Variants in EDARADD observed in about 807,000 individuals in gnomAD.
EDARADD encodes the protein EDAR associated via death domain.
EDARADD carries 20 observed loss-of-function variants against 25.6 expected under a neutral mutation model. That is an observed-to-expected ratio of 0.78 (90% CI 0.55 to 1.14). The LOEUF (loss-of-function observed/expected upper bound fraction) is 1.14, where lower values mean the gene tolerates loss of function less well. Ranked by LOEUF, EDARADD falls within the 50% of genes most tolerant of loss-of-function variation. The probability of loss-of-function intolerance (pLI) is 0.00; values close to 1 mark genes in which losing one functional copy is unlikely to be tolerated. For missense variants in EDARADD, 225 were observed against 270.1 expected (o/e 0.83, Z 1.17); for synonymous variants, 86 against 94.4 (o/e 0.91, Z 0.52).
chr1:236,427,164 A>C (rs983252287), intron 3 of EDARADD, among the ~76,000 whole-genome samples: 4 of 152,212 alleles, frequency 2.6e-5, no homozygotes, highest in African/African-American at 9.6e-5. Context: ...TAAATAAAAA[A>C]TAAGCAGGAA....
chr1:236,361,818 G>T (rs1667054294), intron 3 of EDARADD, among the ~76,000 whole-genome samples: 1 of 151,514 alleles, frequency 6.6e-6, no homozygotes, highest in South Asian at 2.1e-4. Flanking sequence ...CCTACTGTTG[G>T]TCGTTTGGGT....
At chr1:236,458,195 A>T (rs972457891) in intron 4 of EDARADD, among the ~76,000 whole-genome samples, 3 of 152,210 alleles carry the variant, frequency 2.0e-5, no homozygotes, top group Non-Finnish European at 4.4e-5. Flanking sequence ...ATCCTACAGA[A>T]CTCATTACAT....
In EDARADD at chr1:236,482,695, C is replaced by T; in HGVS notation, c.*46C>T. On this transcript the variant is annotated 3_prime_UTR_variant, in exon 6 of 6. Coordinates refer to ENST00000334232, the MANE Select transcript of EDARADD (RefSeq NM_145861.4). ...TGGCCTCTCCGGATGTTGAAACAAC[C>T]ACAGGTCAAGAAGGAATGTGAATCT... 6.2e-7 allele frequency: 1 copy of T among 1,607,516 alleles called. No homozygotes were observed. The highest frequency in any genetic ancestry group is 8.5e-7 in the Non-Finnish European group (1 of 1,179,646).
chr1:236,471,281 G>A (rs537344022), intron 5 of EDARADD, among the ~76,000 whole-genome samples: 1 of 152,232 alleles, frequency 6.6e-6, no homozygotes, highest in East Asian at 1.9e-4. Flanking sequence ...CCCACCAAAA[G>A]CCCTTGGGTC....
At chr1:236,354,732 C>A (rs1448944567) in intron 3 of EDARADD, among the ~76,000 whole-genome samples, 2 of 152,188 alleles carry the variant, frequency 1.3e-5, no homozygotes, top group Non-Finnish European at 2.9e-5. Flanking sequence ...AACTGCCAAC[C>A]TCAAGCCAGT....
chr1:236,459,301 C>T, intron 4 of EDARADD, among the ~76,000 whole-genome samples: 1 of 152,142 alleles, frequency 6.6e-6, no homozygotes, highest in Non-Finnish European at 1.5e-5. Flanking sequence ...GTAAAATACT[C>T]TGTGATATTT....
intron 5 of EDARADD, among the ~76,000 whole-genome samples, chr1:236,472,419 G>A (rs183290262): frequency 2.6e-5 from 4 of 152,158 alleles, no homozygotes; most frequent in African/African-American, 4.8e-5. Context: ...CGGGATCTCC[G>A]AGGGTGGGAC....
chr1:236,484,521 C>T lies in EDARADD; in HGVS notation c.*1872C>T. 1 of 1,464,686 alleles carries T rather than the reference C, an allele frequency of 6.8e-7. No individual in the cohort carries two copies. Among genetic ancestry groups the T allele is most frequent in the South Asian group, 1.1e-5 (1 of 87,134 alleles). 90.7% of individuals were successfully genotyped at this position (1,464,686 alleles called of 1,614,324 possible). A position where few individuals can be genotyped will look rare whatever the true frequency, so the allele number is the denominator to read the frequency against. On this transcript the variant is annotated 3_prime_UTR_variant, in exon 6 of 6. Coordinates refer to ENST00000334232, the MANE Select transcript of EDARADD (RefSeq NM_145861.4). The surrounding 1 kb of genome is among the most constrained non-coding windows in gnomAD (Gnocchi z 4.1). ...ACCTGGTGGCTAATTAGACCCCTCC[C>T]CTTGTGTCAACTCCGGCAGCTCAAG...
At chr1:236,482,160 T>TC in intron 5 of EDARADD, 107 bp from the exon 6 acceptor site, 1 of 1,328,338 alleles carries the variant, frequency 7.5e-7, no homozygotes, top group Non-Finnish European at 1.1e-6. Context: ...GAAATAGTCT[T>TC]CCATATGATG....
intron 4 of EDARADD, among the ~76,000 whole-genome samples, chr1:236,467,414 G>GCA (rs893009834): frequency 4.9e-5 from 5 of 101,320 alleles, no homozygotes; most frequent in Non-Finnish European, 9.2e-5. Context: ...TTCATGGGAA[G>GCA]CACACACACG....
At chr1:236,351,009 G>A (rs639004) in intron 3 of EDARADD, among the ~76,000 whole-genome samples, 76,115 of 151,860 alleles carry the variant, frequency 0.5, 19,791 homozygotes, top group East Asian at 0.84. Context: ...CAAGGTAGTA[G>A]GTCCCTGCAT....
chr1:236,404,617 C>T (rs534701160), intron 1 of EDARADD, among the ~76,000 whole-genome samples: 3 of 152,230 alleles, frequency 2.0e-5, no homozygotes, highest in African/African-American at 4.8e-5. Context: ...AGCGAGACCC[C>T]GTCTCTACAA....
rs747038830 is a variant in EDARADD, at chr1:236,482,552, G to A, written c.551G>A (p.Arg184Lys). ...RTVGQLMELC[R>K]LYHRADVEKV... is the part of the protein sequence containing the mutation. Reference sequence around the variant, plus strand: ...GTGGGCCAGCTGATGGAGCTCTGCAGGCTCTACCACAGGGCCGACGTGGAG... The same window carrying A: ...GTGGGCCAGCTGATGGAGCTCTGCAAGCTCTACCACAGGGCCGACGTGGAG... The change falls in exon 6 of 6, where the codon AGG (arginine) becomes AAG (lysine). Residue 184 changes from arginine (R) to lysine (K), a missense_variant. Arg to Lys is a conservative substitution (Grantham distance 26). Coordinates refer to ENST00000334232, the MANE Select transcript of EDARADD (RefSeq NM_145861.4). 1 of 1,613,836 alleles carries A rather than the reference G, an allele frequency of 6.2e-7. No homozygotes were observed. Among genetic ancestry groups the A allele is most frequent in the Non-Finnish European group, 8.5e-7 (1 of 1,179,894 alleles).
rs186457536 is a variant in EDARADD at position 236,435,499 on chromosome 1, G to A, written c.219+8049G>A. Among the ~76,000 whole-genome samples, 60 of 152,316 alleles carry A rather than the reference G, an allele frequency of 3.9e-4. 2 individuals carry two copies. The highest frequency in any genetic ancestry group is 2.2e-3 in the Admixed American group (34 of 15,294). On this transcript the variant is annotated intron_variant, in intron 4 of 5. Transcript: ENST00000334232. ...AAGGGAAAAGCCAGGGGAGGGCATC[G>A]CTTCACATGTCGAGGAAGGAATGGT...
At position 236,395,365 on chromosome 1, in the gene EDARADD, C is replaced by T; in HGVS notation, c.61+860C>T. ...GGGTCGCGGCACCCCGGCTCCCGCC[C>T]CGCGCCTCTGGAGGGAGGTACCGAG... On this transcript the variant is annotated intron_variant, in intron 1 of 5. Coordinates refer to ENST00000334232, the MANE Select transcript of EDARADD (RefSeq NM_145861.4). The surrounding 1 kb of genome is among the most constrained non-coding windows in gnomAD (Gnocchi z 6.9). The T allele has an allele frequency of 7.4e-7, 1 of 1,348,380 alleles. No individual in the cohort carries two copies. The highest frequency in any genetic ancestry group is 9.5e-7 in the Non-Finnish European group (1 of 1,049,918). 83.5% of individuals were successfully genotyped at this position (1,348,380 alleles called of 1,614,324 possible).
chr1:236,436,592 A>C (rs1658257951), intron 4 of EDARADD, among the ~76,000 whole-genome samples: 1 of 131,332 alleles, frequency 7.6e-6, no homozygotes. Flanking sequence ...GTGCTACTGC[A>C]CTCCAGCATG....
chr1:236,402,371 A>G (rs932789245), intron 1 of EDARADD, among the ~76,000 whole-genome samples: 1 of 152,008 alleles, frequency 6.6e-6, no homozygotes, highest in Non-Finnish European at 1.5e-5. Flanking sequence ...CAGCCTGGGT[A>G]ACATAGTGAG....
At chr1:236,397,271 G>A (rs772024109) in intron 1 of EDARADD, among the ~76,000 whole-genome samples, 4 of 152,114 alleles carry the variant, frequency 2.6e-5, no homozygotes, top group Non-Finnish European at 4.4e-5. Context: ...TTAGCCAAAT[G>A]TGCCAGTGCA....
intron 3 of EDARADD, among the ~76,000 whole-genome samples, chr1:236,423,914 G>A (rs868087355): frequency 2.6e-5 from 4 of 151,802 alleles, no homozygotes; most frequent in Non-Finnish European, 4.4e-5. Flanking sequence ...AAAACCAGCT[G>A]GGACAACATG....
Sources: gnomAD v4.1 joint callset for allele counts (sites outside exome capture counted in the v4.1 genomes callset) on GRCh38, gnomAD v4.1.1 for gene constraint, Gnocchi (gnomAD v3.1) non-coding constraint, MANE v1.5 for transcripts, NCBI Gene and HGNC (gene_info 2026-07-23, HGNC 2026-07-21) for gene names.